Variants in RABL2A observed in about 807,000 individuals in gnomAD.
RABL2A encodes the protein rab-like protein 2A.
RABL2A carries 17 observed loss-of-function variants against 30.7 expected under a neutral mutation model. The observed-to-expected ratio is 0.55, with a 90% CI of 0.38 to 0.83. The LOEUF (loss-of-function observed/expected upper bound fraction) is 0.83. Ranked by LOEUF, RABL2A falls within the 40% of genes least tolerant of loss-of-function variation. RABL2A has a pLI of 0.00. For synonymous variants in RABL2A, 64 were observed against 101.8 expected (o/e 0.63, Z 2.24); for missense variants, 155 against 272.6 (o/e 0.57, Z 3.04).
intron 5 of RABL2A, among the ~76,000 whole-genome samples, chr2:113,637,009 A>AAT (rs78402027): frequency 0.052 from 7,837 of 150,014 alleles, 413 homozygotes; most frequent in East Asian, 0.24. Flanking sequence ...AAAAAATAAA[A>AAT]AAATAAAGTC....
chr2:113,637,357 G>C, intron 5 of RABL2A: 13 of 1,011,350 alleles, frequency 1.3e-5, no homozygotes, highest in Non-Finnish European at 1.5e-5. Flanking sequence ...CATTAGCTTA[G>C]CTCTTCCGTG....
At chr2:113,635,831 G>C (rs1375228531) in intron 5 of RABL2A, among the ~76,000 whole-genome samples, 3 of 151,326 alleles carry the variant, frequency 2.0e-5, no homozygotes, top group Non-Finnish European at 2.9e-5. Context: ...TCATGGCTGG[G>C]CACGGTGGCT....
intron 2 of RABL2A, among the ~76,000 whole-genome samples, chr2:113,629,779 C>G (rs1679592142): frequency 6.6e-6 from 1 of 152,138 alleles, no homozygotes; most frequent in African/African-American, 2.4e-5. Flanking sequence ...ACCTCGTGAT[C>G]CGCCCACCTC....
chr2:113,638,613 A>G (rs1463005748), intron 5 of RABL2A: 1 of 919,716 alleles, frequency 1.1e-6, no homozygotes, highest in Non-Finnish European at 1.3e-6. Context: ...CATGCCTTTA[A>G]TCCCAGTACT....
At chr2:113,629,529 G>T (rs1679458051) in intron 2 of RABL2A, among the ~76,000 whole-genome samples, 1 of 149,616 alleles carries the variant, frequency 6.7e-6, no homozygotes, top group Non-Finnish European at 1.5e-5. Context: ...TGCAGCTCTG[G>T]TTTAGAATTT....
chr2:113,642,341 C>A lies in RABL2A; in HGVS notation c.*212C>A. ...CTGGTGGAAGAATTCCCCACCAGAT[C>A]TCCTTGAAGCAGAATTAGGGATCAG... is the stretch of plus-strand genomic sequence containing the variant. On this transcript the variant is annotated 3_prime_UTR_variant, in exon 9 of 9. Coordinates refer to ENST00000683472, the MANE Select transcript of RABL2A (RefSeq NM_001306158.2). 1 of 1,163,300 alleles carries A rather than the reference C, an allele frequency of 8.6e-7. No homozygotes were observed. The highest frequency in any genetic ancestry group is 1.2e-6 in the Non-Finnish European group (1 of 842,582). 72.1% of individuals were successfully genotyped at this position (1,163,300 alleles called of 1,614,324 possible).
intron 2 of RABL2A, among the ~76,000 whole-genome samples, chr2:113,631,390 T>G (rs1422111149): frequency 1.3e-5 from 2 of 151,906 alleles, no homozygotes; most frequent in Non-Finnish European, 2.9e-5. Flanking sequence ...GAGTACAGAC[T>G]AGAGTGATGG....
chr2:113,632,827 T>C lies in RABL2A; in HGVS notation c.108-88T>C. On this transcript the variant is annotated intron_variant, in intron 2 of 8. Coordinates refer to ENST00000683472, the MANE Select transcript of RABL2A (RefSeq NM_001306158.2). The stretch of plus-strand genomic sequence containing the variant: ...AGGGGGAAGGGAAGCCACAGGTGGC[T>C]TCCAGGTTGTCAGCCTTAGGGTGAA... 4 of 1,604,186 alleles carry C rather than the reference T, an allele frequency of 2.5e-6. No homozygotes were observed. The South Asian group carries it at 4.4e-5, about 18-fold the overall frequency.
chr2:113,641,176 C>T, intron 6 of RABL2A, 171 bp downstream of exon 6: 1 of 1,017,132 alleles, frequency 9.8e-7, no homozygotes. Context: ...AAGAAGCCAG[C>T]TAAGCCGACC....
At chr2:113,640,193 A>G (rs1237426442) in intron 5 of RABL2A, 1 of 152,342 alleles carries the variant, frequency 6.6e-6, no homozygotes. Context: ...AAAACTCTAG[A>G]AACATTTACA....
At chr2:113,640,209 T>G (rs1408826029) in intron 5 of RABL2A, 1 of 152,724 alleles carries the variant, frequency 6.5e-6, no homozygotes, top group Non-Finnish European at 1.5e-5. Flanking sequence ...TTACAGTTAC[T>G]ACAGAGGAAC....
In RABL2A at chr2:113,641,820, CA is replaced by C. The variant is rs747328728; in HGVS notation, c.548del (p.Gln183ArgfsTer102). On this transcript the variant is annotated frameshift_variant, in exon 8 of 9. Coordinates refer to ENST00000683472, the MANE Select transcript of RABL2A (RefSeq NM_001306158.2). LOFTEE classifies it high-confidence loss of function. The stretch of plus-strand genomic sequence containing the variant: ...AATTCGATTAGCTGTGTCTTACAAA[CA>C]GAACTCCCAGGACTTCATGGATGAG... ...DAIRLAVSYK[Q>X]NSQDFMDEIF... 118 of 895,246 alleles carry C rather than the reference CA, an allele frequency of 1.3e-4. 1 individual carries two copies. In the African/African-American group the frequency reaches 1.9e-3, roughly 15 times the overall value. The allele number at this position is 895,246 out of a possible 1,614,324, so 55.5% of individuals were successfully genotyped here. A position where few individuals can be genotyped will look rare whatever the true frequency, so the allele number is the denominator to read the frequency against.
chr2:113,638,231 AAG>A (rs1470889249), intron 5 of RABL2A: 1 of 985,284 alleles, frequency 1.0e-6, no homozygotes, highest in Non-Finnish European at 1.2e-6. Context: ...TTGCCTGTGA[AAG>A]AGAATCTACA....
chr2:113,643,215 G>A lies in RABL2A; in HGVS notation c.*1086G>A, dbSNP rs1247792228. ...GAATAGTTTGGACCTTGTGCCTCCT[G>A]TGGGAGGCTGAGGACTGCAAGAGGA... On this transcript the variant is annotated 3_prime_UTR_variant, in exon 9 of 9. Transcript: ENST00000683472. The A allele has an allele frequency of 4.4e-6, 2 of 449,520 alleles. No individual in the cohort carries two copies. The highest frequency in any genetic ancestry group is 8.9e-6 in the Non-Finnish European group (2 of 224,182). 27.8% of individuals were successfully genotyped at this position (449,520 alleles called of 1,614,324 possible).
chr2:113,628,302 G>C (rs1263991396), intron 1 of RABL2A: 3 of 320,950 alleles, frequency 9.3e-6, no homozygotes, highest in Non-Finnish European at 1.7e-5. Context: ...TTTGGCACTG[G>C]ATGCCTGGTG....
chr2:113,629,434 G>A (rs957488735), intron 2 of RABL2A, among the ~76,000 whole-genome samples: 4 of 152,066 alleles, frequency 2.6e-5, no homozygotes, highest in African/African-American at 9.7e-5. Flanking sequence ...TTCTCTGGGG[G>A]CTTTGCTGGT....
rs1459685930 is a variant in RABL2A, at chr2:113,628,602, A to G, written c.-5A>G. On this transcript the variant is annotated 5_prime_UTR_variant, in exon 2 of 9. Transcript: ENST00000683472. The stretch of plus-strand genomic sequence containing the variant: ...GGCTGGACCCCTCTCTACAGCTAGG[A>G]GCCAATGGCAGAAGACAAAACCAAA... 1 of 1,461,082 alleles carries G rather than the reference A, an allele frequency of 6.8e-7. No individual in the cohort carries two copies. The highest frequency in any genetic ancestry group is 9.2e-7 in the Non-Finnish European group (1 of 1,083,524). 90.5% of individuals were successfully genotyped at this position (1,461,082 alleles called of 1,614,324 possible). A position where few individuals can be genotyped will look rare whatever the true frequency, so the allele number is the denominator to read the frequency against.
rs762594546 is a variant in RABL2A, at chr2:113,628,650, A to G, written c.44A>G (p.Lys15Arg). ...AAACCGAGTGAGTTGGACCAAGGGA[A>G]GTATGATGCTGATGACAACGTGAAG... is the stretch of plus-strand genomic sequence containing the variant. ...KTKPSELDQG[K>R]YDADDNVKII... is the part of the protein sequence containing the mutation. Residue 15 changes from lysine (K) to arginine (R), a missense_variant, in exon 2 of 9, where the codon AAG (lysine) becomes AGG (arginine). This residue lies in a region of RABL2A where 10 missense variants were observed against 45.2 expected (regional missense o/e 0.22). Coordinates refer to ENST00000683472, the MANE Select transcript of RABL2A (RefSeq NM_001306158.2). 1 of 1,548,390 alleles carries G rather than the reference A, an allele frequency of 6.5e-7. No homozygotes were observed. Among genetic ancestry groups the G allele is most frequent in the South Asian group, 1.2e-5 (1 of 84,502 alleles).
Position 113,631,618 on chromosome 2 carries a change from C to T in RABL2A, c.108-1297C>T, listed in dbSNP as rs149124556. On this transcript the variant is annotated intron_variant, in intron 2 of 8. Transcript: ENST00000683472. ...GCTCTGTTTTTGAGCTCAGGCCTGC[C>T]GAGCTGGTTCTCTGCTAAGCTGCAG... Among the ~76,000 whole-genome samples, 716 of 152,256 alleles carry T rather than the reference C, an allele frequency of 4.7e-3. 13 individuals are homozygous for T. Among genetic ancestry groups the T allele is most frequent in the African/African-American group, 0.016 (682 of 41,544 alleles).
Sources: allele counts gnomAD v4.1 joint callset (sites outside exome capture counted in the v4.1 genomes callset), GRCh38; gene constraint gnomAD v4.1.1; regional missense constraint gnomAD v4.1.1; transcripts MANE v1.5; gene names NCBI Gene and HGNC (gene_info 2026-07-23, HGNC 2026-07-21).